PCDHB3: variants seen among roughly 807,000 people sequenced by gnomAD.
PCDHB3 encodes the protein protocadherin beta-3.
For synonymous variants in PCDHB3, 479 were observed against 456.0 expected (o/e 1.05, Z -0.64); for missense variants, 967 against 1,012.1 (o/e 0.96, Z 0.60).
rs146082386 is a variant in PCDHB3 at position 141,101,389 on chromosome 5, A to G, written c.740A>G (p.Tyr247Cys). 1.7e-5 allele frequency: 28 copies of G among 1,613,606 alleles called. No individual in the cohort carries two copies. In the African/African-American group the frequency reaches 3.3e-4, roughly 19 times the overall value. Residue 247 changes from tyrosine to cysteine, a missense_variant, in exon 1 of 1, where the codon TAT (tyrosine) becomes TGT (cysteine). Coordinates refer to ENST00000231130, the MANE Select transcript of PCDHB3 (RefSeq NM_018937.5). ...DNAPEFAQPLYEVAVLENTPV... is the reference protein window; with the variant it reads ...DNAPEFAQPLCEVAVLENTPV... Reference sequence around the variant, plus strand: ...GCACCAGAATTTGCACAGCCGCTCTATGAGGTTGCAGTTCTAGAGAATACC... The same window carrying G: ...GCACCAGAATTTGCACAGCCGCTCTGTGAGGTTGCAGTTCTAGAGAATACC...
chr5:141,100,600 C>T lies in PCDHB3; in HGVS notation c.-50C>T, dbSNP rs781828448. On this transcript the variant is annotated 5_prime_UTR_variant, in exon 1 of 1. Transcript: ENST00000231130. ...GCAAAAGACTGTTTCCCAGCTCTGT[C>T]TGAGGTTCAGCTTGGCGACATTCCC... 1.0e-5 allele frequency: 14 copies of T among 1,379,644 alleles called. 1 individual carries two copies. The South Asian group carries it at 1.7e-4, about 17-fold the overall frequency. The allele number at this position is 1,379,644 out of a possible 1,614,324, so 85.5% of individuals were successfully genotyped here.
chr5:141,103,084 G>C lies in PCDHB3; in HGVS notation c.*44G>C, dbSNP rs781803651. ...TGAGCCTCGTCTTAGTTAATCTGTGGAAAGTCCTTTTTTACTGCTTTGTCC... is the reference window on the plus strand; with the variant it reads ...TGAGCCTCGTCTTAGTTAATCTGTGCAAAGTCCTTTTTTACTGCTTTGTCC... On this transcript the variant is annotated 3_prime_UTR_variant, in exon 1 of 1. Transcript: ENST00000231130. 1.3e-6 allele frequency: 2 copies of C among 1,554,648 alleles called. No homozygotes were observed. Among genetic ancestry groups the C allele is most frequent in the South Asian group, 1.3e-5 (1 of 79,940 alleles).
chr5:141,101,377 C>T lies in PCDHB3; in HGVS notation c.728C>T (p.Ala243Val). Reference sequence around the variant, plus strand: ...ATAAACGACAATGCACCAGAATTTGCACAGCCGCTCTATGAGGTTGCAGTT... The same window carrying T: ...ATAAACGACAATGCACCAGAATTTGTACAGCCGCTCTATGAGGTTGCAGTT... ...LDINDNAPEF[A>V]QPLYEVAVLE... is the part of the protein sequence containing the mutation. Residue 243 changes from alanine to valine, a missense_variant, in exon 1 of 1, where the codon GCA becomes GTA. By Grantham distance (64) the Ala-to-Val change is moderately conservative. Coordinates refer to ENST00000231130, the MANE Select transcript of PCDHB3 (RefSeq NM_018937.5). 2 of 1,614,134 alleles carry T rather than the reference C, an allele frequency of 1.2e-6. No homozygotes were observed. The highest frequency in any genetic ancestry group is 1.7e-6 in the Non-Finnish European group (2 of 1,180,018).
chr5:141,101,431 T>A lies in PCDHB3; in HGVS notation c.782T>A (p.Ile261Asn). Reference protein sequence around the residue: ...VLENTPVNSVIVTVSASDLDT... With the variant: ...VLENTPVNSVNVTVSASDLDT... ...GAGAATACCCCCGTTAACTCTGTCA[T>A]TGTCACTGTCTCGGCTTCTGACTTA... The change falls in exon 1 of 1, where the codon ATT becomes AAT. Residue 261 changes from isoleucine to asparagine, a missense_variant. Physicochemically the swap from Ile to Asn is moderately radical, Grantham distance 149. Coordinates refer to ENST00000231130, the MANE Select transcript of PCDHB3 (RefSeq NM_018937.5). 6.2e-7 allele frequency: 1 copy of A among 1,614,236 alleles called. No homozygotes were observed. Among genetic ancestry groups the A allele is most frequent in the Non-Finnish European group, 8.5e-7 (1 of 1,180,024 alleles).
At position 141,101,147 on chromosome 5, in the gene PCDHB3, C is replaced by T; in HGVS notation, c.498C>T (p.Ser166=). The change falls in exon 1 of 1, where the codon AGC becomes AGT. Residue 166 remains serine, a synonymous_variant. Transcript: ENST00000231130. ...NAEDLDVGRN[S]LQNYTITPNS... ...AGGACTTGGATGTGGGAAGAAACAG[C>T]CTCCAAAACTACACTATCACTCCGA... 1 of 1,614,118 alleles carries T rather than the reference C, an allele frequency of 6.2e-7. No homozygotes were observed. The highest frequency in any genetic ancestry group is 8.5e-7 in the Non-Finnish European group (1 of 1,180,022).
rs1182789027 is a variant in PCDHB3 at position 141,101,854 on chromosome 5, C to A, written c.1205C>A (p.Thr402Asn). The change falls in exon 1 of 1, where the codon ACC (threonine) becomes AAC (asparagine). Residue 402 changes from threonine (T) to asparagine (N), a missense_variant. Coordinates refer to ENST00000231130, the MANE Select transcript of PCDHB3 (RefSeq NM_018937.5). ...AAACCATCTGTAGAGAATTTTTACACCCTAGTGTCAGAAGGCGCGCTGGAC... is the reference window on the plus strand; with the variant it reads ...AAACCATCTGTAGAGAATTTTTACAACCTAGTGTCAGAAGGCGCGCTGGAC... The part of the protein sequence containing the change: ...FLKPSVENFY[T>N]LVSEGALDRE... 5 of 1,614,036 alleles carry A rather than the reference C, an allele frequency of 3.1e-6. No homozygotes were observed. Among genetic ancestry groups the A allele is most frequent in the Admixed American group, 3.3e-5 (2 of 60,024 alleles).
Position 141,101,407 on chromosome 5 carries a change from A to C in PCDHB3, c.758A>C (p.Glu253Ala). The C allele has an allele frequency of 6.2e-7, 1 of 1,614,236 alleles. No individual in the cohort carries two copies. Among genetic ancestry groups the C allele is most frequent in the Non-Finnish European group, 8.5e-7 (1 of 1,180,046 alleles). The change falls in exon 1 of 1, where the codon GAG (glutamate) becomes GCG (alanine). Residue 253 changes from glutamate to alanine, a missense_variant. Coordinates refer to ENST00000231130, the MANE Select transcript of PCDHB3 (RefSeq NM_018937.5). ...CCGCTCTATGAGGTTGCAGTTCTAG[A>C]GAATACCCCCGTTAACTCTGTCATT... Reference protein sequence around the residue: ...AQPLYEVAVLENTPVNSVIVT... With the variant: ...AQPLYEVAVLANTPVNSVIVT...
In PCDHB3 at chr5:141,101,627, C is replaced by G. The variant is rs781795273; in HGVS notation, c.978C>G (p.Gly326=). ...ACATCGAGGCCAAGGATGGCGGAGG[C>G]CTATCCGGAAAGTCTACAGTCATAG... ...EVDIEAKDGG[G]LSGKSTVIVQ... is the part of the protein sequence containing the mutation. Residue 326 remains glycine (G), a synonymous_variant, in exon 1 of 1, where the codon GGC becomes GGG. Transcript: ENST00000231130. 1.2e-6 allele frequency: 2 copies of G among 1,614,036 alleles called. No homozygotes were observed. Among genetic ancestry groups the G allele is most frequent in the South Asian group, 2.2e-5 (2 of 91,068 alleles).
rs1554272377 is a variant in PCDHB3 at position 141,101,830 on chromosome 5, A to C, written c.1181A>C (p.Lys394Thr). 1.9e-6 allele frequency: 3 copies of C among 1,614,040 alleles called. No homozygotes were observed. The highest frequency in any genetic ancestry group is 2.5e-6 in the Non-Finnish European group (3 of 1,180,004). The change falls in exon 1 of 1, where the codon AAA becomes ACA. Residue 394 changes from lysine (K) to threonine (T), a missense_variant. Lys to Thr is a moderately conservative substitution (Grantham distance 78). Coordinates refer to ENST00000231130, the MANE Select transcript of PCDHB3 (RefSeq NM_018937.5). ...GAGAACAATCTCCCCTTCTTCCTGA[A>C]ACCATCTGTAGAGAATTTTTACACC... ...SIENNLPFFL[K>T]PSVENFYTLV...
chr5:141,102,029 C>A lies in PCDHB3; in HGVS notation c.1380C>A (p.Val460=). Residue 460 remains valine (V), a synonymous_variant, in exon 1 of 1, where the codon GTC becomes GTA. Coordinates refer to ENST00000231130, the MANE Select transcript of PCDHB3 (RefSeq NM_018937.5). ...AFTQISYTLF[V]RENNSPALHI... Reference sequence around the variant, plus strand: ...CCCAAATCTCCTACACCCTGTTCGTCCGCGAGAACAACAGCCCCGCCCTGC... The same window carrying A: ...CCCAAATCTCCTACACCCTGTTCGTACGCGAGAACAACAGCCCCGCCCTGC... The A allele has an allele frequency of 1.2e-6, 2 of 1,613,188 alleles. No individual in the cohort carries two copies. Among genetic ancestry groups the A allele is most frequent in the Middle Eastern group, 3.8e-4 (2 of 5,206 alleles).
At position 141,100,952 on chromosome 5, in the gene PCDHB3, A is replaced by G. The variant is rs1330198802; in HGVS notation, c.303A>G (p.Pro101=). The change falls in exon 1 of 1, where the codon CCA becomes CCG. Residue 101 remains proline (P), a synonymous_variant. Coordinates refer to ENST00000231130, the MANE Select transcript of PCDHB3 (RefSeq NM_018937.5). ...AGGAGCTATGCGGCCCCACAGAACCATGCATACTACATTTTCAGATATTAC... is the reference window on the plus strand; with the variant it reads ...AGGAGCTATGCGGCCCCACAGAACCGTGCATACTACATTTTCAGATATTAC... ...DREELCGPTE[P]CILHFQILLQ... The G allele has an allele frequency of 1.2e-6, 2 of 1,614,018 alleles. No homozygotes were observed. Among genetic ancestry groups the G allele is most frequent in the Non-Finnish European group, 1.7e-6 (2 of 1,180,040 alleles).
chr5:141,102,504 G>C lies in PCDHB3; in HGVS notation c.1855G>C (p.Ala619Pro). The change falls in exon 1 of 1, where the codon GCG becomes CCG. Residue 619 changes from alanine (A) to proline (P), a missense_variant. Physicochemically the swap from Ala to Pro is conservative, Grantham distance 27. Coordinates refer to ENST00000231130, the MANE Select transcript of PCDHB3 (RefSeq NM_018937.5). ...GGAGCCCGGGCTGTTCGGCGTGTGGGCGCACAATGGCGAAGTGCGCACCGC... is the reference window on the plus strand; with the variant it reads ...GGAGCCCGGGCTGTTCGGCGTGTGGCCGCACAATGGCGAAGTGCGCACCGC... ...ATEPGLFGVW[A>P]HNGEVRTARL... is the part of the protein sequence containing the mutation. The C allele has an allele frequency of 6.2e-7, 1 of 1,608,672 alleles. No individual in the cohort carries two copies. Among genetic ancestry groups the C allele is most frequent in the Non-Finnish European group, 8.5e-7 (1 of 1,179,604 alleles).
rs782055724 is a variant in PCDHB3 at position 141,101,813 on chromosome 5, T to G, written c.1164T>G (p.Asn388Lys). The change falls in exon 1 of 1, where the codon AAT (asparagine) becomes AAG (lysine). Residue 388 changes from asparagine (N) to lysine (K), a missense_variant. Asn to Lys is a moderately conservative substitution (Grantham distance 94). Transcript: ENST00000231130. Reference sequence around the variant, plus strand: ...GAGTGATGTGTTCCATTGAGAACAATCTCCCCTTCTTCCTGAAACCATCTG... The same window carrying G: ...GAGTGATGTGTTCCATTGAGAACAAGCTCCCCTTCTTCCTGAAACCATCTG... ...NGRVMCSIEN[N>K]LPFFLKPSVE... 6 of 1,613,944 alleles carry G rather than the reference T, an allele frequency of 3.7e-6. 1 individual carries two copies. The South Asian group carries it at 6.6e-5, about 18-fold the overall frequency.
chr5:141,101,021 A>G lies in PCDHB3; in HGVS notation c.372A>G (p.Ile124Met), dbSNP rs1554272163. ...TCGTTACAAACGAGCTCCGTATCAT[A>G]GATGTAAATGACCATTCTCCGGTAT... ...LQFVTNELRI[I>M]DVNDHSPVFF... Residue 124 changes from isoleucine to methionine, a missense_variant, in exon 1 of 1, where the codon ATA (isoleucine) becomes ATG (methionine). Ile to Met is a conservative substitution (Grantham distance 10, BLOSUM62 1). Transcript: ENST00000231130. 6.2e-7 allele frequency: 1 copy of G among 1,614,224 alleles called. No individual in the cohort carries two copies.
rs782593924 is a variant in PCDHB3, at chr5:141,100,955, C to A, written c.306C>A (p.Cys102Ter). The A allele has an allele frequency of 6.2e-7, 1 of 1,614,096 alleles. No homozygotes were observed. The highest frequency in any genetic ancestry group is 8.5e-7 in the Non-Finnish European group (1 of 1,180,020). ...AGCTATGCGGCCCCACAGAACCATG[C>A]ATACTACATTTTCAGATATTACTGC... The part of the protein sequence containing the change: ...REELCGPTEP[C>*]ILHFQILLQN... The change falls in exon 1 of 1, where the codon TGC becomes TGA. Residue 102 changes from cysteine to a stop codon, truncating the protein, a stop_gained. Transcript: ENST00000231130. LOFTEE classifies it low-confidence loss of function (END_TRUNC).
chr5:141,102,021 C>T lies in PCDHB3; in HGVS notation c.1372C>T (p.Leu458=). 1 of 1,613,210 alleles carries T rather than the reference C, an allele frequency of 6.2e-7. No individual in the cohort carries two copies. ...CGCCTTCACCCAAATCTCCTACACC[C>T]TGTTCGTCCGCGAGAACAACAGCCC... ...APAFTQISYT[L]FVRENNSPAL... is the part of the protein sequence containing the mutation. Residue 458 remains leucine (L), a synonymous_variant, in exon 1 of 1, where the codon CTG becomes TTG. Transcript: ENST00000231130.
chr5:141,102,498 G>A lies in PCDHB3; in HGVS notation c.1849G>A (p.Val617Met), dbSNP rs573993664. The A allele has an allele frequency of 6.2e-6, 10 of 1,608,776 alleles. No homozygotes were observed. The Admixed American group carries it at 1.2e-4, about 19-fold the overall frequency. ...LKATEPGLFG[V>M]WAHNGEVRTA... ...GGCCACGGAGCCCGGGCTGTTCGGCGTGTGGGCGCACAATGGCGAAGTGCG... is the reference window on the plus strand; with the variant it reads ...GGCCACGGAGCCCGGGCTGTTCGGCATGTGGGCGCACAATGGCGAAGTGCG... Residue 617 changes from valine (V) to methionine (M), a missense_variant, in exon 1 of 1, where the codon GTG becomes ATG. Val to Met is a conservative substitution (Grantham distance 21). Coordinates refer to ENST00000231130, the MANE Select transcript of PCDHB3 (RefSeq NM_018937.5).
Position 141,102,361 on chromosome 5 carries a change from C to T in PCDHB3, c.1712C>T (p.Pro571Leu). The T allele has an allele frequency of 1.2e-6, 2 of 1,611,254 alleles. No individual in the cohort carries two copies. The highest frequency in any genetic ancestry group is 1.7e-6 in the Non-Finnish European group (2 of 1,179,656). The change falls in exon 1 of 1, where the codon CCC becomes CTC. Residue 571 changes from proline (P) to leucine (L), a missense_variant. Coordinates refer to ENST00000231130, the MANE Select transcript of PCDHB3 (RefSeq NM_018937.5). The part of the protein sequence containing the change: ...VLYPLQNGSA[P>L]CTELVPRAAE... ...TACCCGCTGCAGAACGGCTCCGCGC[C>T]CTGCACCGAGCTGGTGCCCCGGGCG...
In PCDHB3 at chr5:141,102,177, A is replaced by T; in HGVS notation, c.1528A>T (p.Asn510Tyr). The T allele has an allele frequency of 1.9e-6, 3 of 1,612,976 alleles. No homozygotes were observed. The highest frequency in any genetic ancestry group is 2.5e-6 in the Non-Finnish European group (3 of 1,179,960). Reference sequence around the variant, plus strand: ...TTCCCTGGTCTCCATCAACGCGGACAACGGCCACCTGTTTGCCCTCAGGTC... The same window carrying T: ...TTCCCTGGTCTCCATCAACGCGGACTACGGCCACCTGTTTGCCCTCAGGTC... Reference protein sequence around the residue: ...LSSLVSINADNGHLFALRSLD... With the variant: ...LSSLVSINADYGHLFALRSLD... The change falls in exon 1 of 1, where the codon AAC becomes TAC. Residue 510 changes from asparagine to tyrosine, a missense_variant. By Grantham distance (143) the Asn-to-Tyr change is moderately radical. Transcript: ENST00000231130.
Sources: gnomAD v4.1 joint callset for allele counts on GRCh38, gnomAD v4.1.1 for gene constraint, MANE v1.5 for transcripts, NCBI Gene and HGNC (gene_info 2026-07-23, HGNC 2026-07-21) for gene names.